CD99: variants seen among roughly 807,000 people sequenced by gnomAD.
CD99 encodes the protein CD99 antigen.
CD99 carries 19 observed loss-of-function variants against 28.4 expected under a neutral mutation model. That is an observed-to-expected ratio of 0.67 (90% CI 0.47 to 0.98). The LOEUF is 0.98. Among genes scored for constraint, CD99 ranks in the 50% least tolerant of loss-of-function variants. CD99 has a pLI of 0.00. For synonymous variants in CD99, 103 were observed against 92.1 expected (o/e 1.12, Z -0.67); for missense variants, 283 against 248.8 (o/e 1.14, Z -0.92).
At chrX:2,732,862 C>A (rs1448807282) in intron 8 of CD99, among the ~76,000 whole-genome samples, 1 of 136,596 alleles carries the variant, frequency 7.3e-6, no homozygotes. Flanking sequence ...TTCTTACATG[C>A]CTCTTTTCTT....
chrX:2,703,750 G>T (rs1323541294), intron 1 of CD99, among the ~76,000 whole-genome samples: 1 of 152,012 alleles, frequency 6.6e-6, no homozygotes, highest in Admixed American at 6.6e-5. Context: ...AAACTGCAGG[G>T]CAGAGACCAC....
At chrX:2,732,104 C>A (rs1352311969) in intron 8 of CD99, among the ~76,000 whole-genome samples, 1 of 152,106 alleles carries the variant, frequency 6.6e-6, no homozygotes, top group Non-Finnish European at 1.5e-5. Flanking sequence ...AGCCTCCGTT[C>A]CTCCCTTCCT....
chrX:2,717,499 A>T, intron 2 of CD99, 106 bp from the exon 3 acceptor site: 1 of 928,286 alleles, frequency 1.1e-6, no homozygotes, highest in South Asian at 1.4e-5. Context: ...TGCTAAAAAC[A>T]TTCTCCGACT....
intron 1 of CD99, chrX:2,692,098 C>T (rs1396577387): frequency 1.8e-5 from 11 of 600,948 alleles, no homozygotes; most frequent in Non-Finnish European, 3.3e-5. Context: ...AAAAAGTGGG[C>T]AGGGAAGAAA....
At chrX:2,707,200 C>A (rs2048161066) in intron 1 of CD99, among the ~76,000 whole-genome samples, 1 of 152,076 alleles carries the variant, frequency 6.6e-6, no homozygotes, top group Non-Finnish European at 1.5e-5. Flanking sequence ...TGTGGTGGCA[C>A]ATGCCCATAG....
chrX:2,727,319 T>C (rs2049343503), intron 8 of CD99: 1 of 779,308 alleles, frequency 1.3e-6, no homozygotes, highest in African/African-American at 1.7e-5. Context: ...TTTGGGACCT[T>C]GTATTGGGAT....
chrX:2,691,475 C>T (rs1428497397), intron 1 of CD99, 48 bp downstream of exon 1: 7 of 1,543,342 alleles, frequency 4.5e-6, no homozygotes, highest in Middle Eastern at 2.3e-4. Context: ...GGGCGCGGGC[C>T]GGGACTGGGG....
At chrX:2,728,933 C>T (rs981831388) in intron 8 of CD99, among the ~76,000 whole-genome samples, 2 of 143,948 alleles carry the variant, frequency 1.4e-5, no homozygotes, top group African/African-American at 5.4e-5. Flanking sequence ...CGGGTTCAAG[C>T]AATTCTCCTG....
At chrX:2,740,655 G>A (rs1181169275) in intron 9 of CD99, 124 bp from the exon 10 acceptor site, 1 of 795,934 alleles carries the variant, frequency 1.3e-6, no homozygotes, top group Non-Finnish European at 2.0e-6. Context: ...TTCTCGTGAT[G>A]AGTTTTGGGC....
intron 8 of CD99, among the ~76,000 whole-genome samples, chrX:2,735,974 G>A (rs1371116616): frequency 1.3e-5 from 2 of 151,968 alleles, no homozygotes; most frequent in Non-Finnish European, 2.9e-5. Flanking sequence ...AGGCCGAGGT[G>A]GGCAGATCAC....
chrX:2,736,624 G>A (rs112016605), intron 8 of CD99, among the ~76,000 whole-genome samples: 2 of 151,990 alleles, frequency 1.3e-5, no homozygotes, highest in South Asian at 2.1e-4. Flanking sequence ...TTGAGAGGCC[G>A]AGGTGGGCGG....
At chrX:2,731,889 A>G (rs568071026) in intron 8 of CD99, among the ~76,000 whole-genome samples, 3 of 152,162 alleles carry the variant, frequency 2.0e-5, no homozygotes, top group South Asian at 2.1e-4. Context: ...TCTGTCTGTT[A>G]TAGGTTGGTG....
chrX:2,717,674 T>C (rs1254172140), intron 3 of CD99, 22 bp downstream of exon 3: 2 of 1,608,844 alleles, frequency 1.2e-6, no homozygotes, highest in Admixed American at 1.7e-5. Context: ...TTCTTCCTAG[T>C]ATGCAAAGAA....
chrX:2,713,539 C>G, intron 1 of CD99, among the ~76,000 whole-genome samples: 1 of 152,204 alleles, frequency 6.6e-6, no homozygotes, highest in East Asian at 1.9e-4. Flanking sequence ...TACATGCACA[C>G]TCACACACAC....
At chrX:2,708,820 G>A (rs1310563874) in intron 1 of CD99, among the ~76,000 whole-genome samples, 2 of 152,152 alleles carry the variant, frequency 1.3e-5, no homozygotes, top group Non-Finnish European at 2.9e-5. Flanking sequence ...GACGTCAGCC[G>A]TAGTCCTGAA....
At chrX:2,738,878 C>T (rs941511090) in intron 9 of CD99, among the ~76,000 whole-genome samples, 2 of 151,996 alleles carry the variant, frequency 1.3e-5, no homozygotes, top group Non-Finnish European at 2.9e-5. Context: ...GATAGGGTCT[C>T]ACTCTGTCGC....
At chrX:2,740,719 G>T in intron 9 of CD99, 60 bp from the exon 10 acceptor site, 1 of 1,569,116 alleles carries the variant, frequency 6.4e-7, no homozygotes, top group Non-Finnish European at 8.8e-7. Context: ...TGTAGGAACT[G>T]TGTCCACGTG....
intron 1 of CD99, among the ~76,000 whole-genome samples, chrX:2,711,725 G>A (rs764436360): frequency 3.3e-5 from 5 of 152,224 alleles, no homozygotes; most frequent in Admixed American, 1.3e-4. Context: ...ATTCACAATG[G>A]AATGGTATTC....
At chrX:2,719,760 TATG>T (rs2048907275) in intron 4 of CD99, 55 bp downstream of exon 4, 4 of 1,524,770 alleles carry the variant, frequency 2.6e-6, no homozygotes, top group Admixed American at 3.3e-5. Context: ...ATCACCCAAT[TATG>T]ATCATTTCAG....
Sources: gnomAD v4.1 joint callset for allele counts (sites outside exome capture counted in the v4.1 genomes callset) on GRCh38, gnomAD v4.1.1 for gene constraint, MANE v1.5 for transcripts, NCBI Gene and HGNC (gene_info 2026-07-23, HGNC 2026-07-21) for gene names.